The following PCP2 variants were observed in gnomAD, a reference collection of about 807,000 sequenced individuals.
PCP2 encodes Purkinje cell protein 2.
In PCP2, 21 loss-of-function variants were observed where a neutral mutation model predicts 18.3. The observed-to-expected ratio is 1.14, with a 90% CI of 0.81 to 1.65. PCP2 has a LOEUF of 1.65. Among genes scored for constraint, PCP2 ranks in the 40% most tolerant of loss-of-function variants. The pLI, the probability that PCP2 is intolerant of heterozygous loss-of-function variation, is 0.00. For synonymous variants in PCP2, 85 were observed against 77.6 expected, an observed-to-expected ratio of 1.10 and a Z score of -0.50; for missense variants, 202 against 201.8, an observed-to-expected ratio of 1.00 and a Z score of 0.00.
chr19:7,634,979 G>C (rs1295679091), upstream of PCP2, among the ~76,000 whole-genome samples: 1 of 152,224 alleles, frequency 6.6e-6, no homozygotes, highest in African/African-American at 2.4e-5. Context: ...AAGGACACCA[G>C]TGATATTGCA....
Position 7,632,861 on chromosome 19 carries a change from C to G in PCP2, c.52-31G>C, listed in dbSNP as rs563746051. 1.3e-6 allele frequency: 2 copies of G among 1,539,722 alleles called. No individual in the cohort carries two copies. The highest frequency in any genetic ancestry group is 1.7e-6 in the Non-Finnish European group (2 of 1,145,334). On this transcript the variant is annotated intron_variant, in intron 1 of 3. Transcript: ENST00000311069. This position sits in a 1 kb window ranked among gnomAD's most constrained non-coding sequence, Gnocchi z 5.2. Reference sequence around the variant, plus strand: ...GACAGACTCGCTCAGTCTGGTTGGCCCTTCAGCTTGGGGGCCCCTCCCCAA... The same window carrying G: ...GACAGACTCGCTCAGTCTGGTTGGCGCTTCAGCTTGGGGGCCCCTCCCCAA...
In PCP2 at chr19:7,632,588, C is replaced by G. The variant is rs2031367540; in HGVS notation, c.167-71G>C. 2.5e-6 allele frequency: 4 copies of G among 1,597,940 alleles called. No individual in the cohort carries two copies. Among genetic ancestry groups the G allele is most frequent in the Admixed American group, 3.3e-5 (2 of 59,728 alleles). On this transcript the variant is annotated intron_variant, in intron 2 of 3. Coordinates refer to ENST00000311069, the MANE Select transcript of PCP2 (RefSeq NM_174895.3). This position sits in a 1 kb window ranked among gnomAD's most constrained non-coding sequence, Gnocchi z 5.2. ...GCCCCCAACCCTACCCCTTCACCCCCACACAGATGCTTCAGGGTGCACAAC... is the reference window on the plus strand; with the variant it reads ...GCCCCCAACCCTACCCCTTCACCCCGACACAGATGCTTCAGGGTGCACAAC...
upstream of PCP2, among the ~76,000 whole-genome samples, chr19:7,635,174 G>A (rs1466837482): frequency 6.6e-6 from 1 of 152,174 alleles, no homozygotes; most frequent in Non-Finnish European, 1.5e-5. Context: ...TGAGAAGCTG[G>A]AGGCGGTCCT....
In PCP2 at chr19:7,633,706, C is replaced by T; in HGVS notation, c.-249G>A. ...ACCTGAGCTTGGACCTCGCTGTGCC[C>T]AGCAGCAATGACTGGACCCCAGGGA... On this transcript the variant is annotated 5_prime_UTR_variant, in exon 1 of 4. Coordinates refer to ENST00000311069, the MANE Select transcript of PCP2 (RefSeq NM_174895.3). The T allele has an allele frequency of 1.8e-6, 1 of 553,354 alleles. No homozygotes were observed. Among genetic ancestry groups the T allele is most frequent in the Admixed American group, 3.3e-5 (1 of 29,948 alleles). The allele number at this position is 553,354 out of a possible 1,614,324, so 34.3% of individuals were successfully genotyped here. A position where few individuals can be genotyped will look rare whatever the true frequency, so the allele number is the denominator to read the frequency against.
chr19:7,634,734 G>T (rs922571328), upstream of PCP2, among the ~76,000 whole-genome samples: 1 of 152,166 alleles, frequency 6.6e-6, no homozygotes, highest in African/African-American at 2.4e-5. Flanking sequence ...TGAAATGAAG[G>T]TGTTGGCAGA....
Position 7,633,472 on chromosome 19 carries a change from G to A in PCP2, c.-15C>T. On this transcript the variant is annotated 5_prime_UTR_variant, in exon 1 of 4. Coordinates refer to ENST00000311069, the MANE Select transcript of PCP2 (RefSeq NM_174895.3). ...TGATCCATCATGTCCCTGGACTCCA[G>A]TCACTTTTCTGCTGGCCTCTGCCCC... is the stretch of plus-strand genomic sequence containing the variant. 1 of 1,571,558 alleles carries A rather than the reference G, an allele frequency of 6.4e-7. No individual in the cohort carries two copies. The highest frequency in any genetic ancestry group is 8.6e-7 in the Non-Finnish European group (1 of 1,156,954).
upstream of PCP2, among the ~76,000 whole-genome samples, chr19:7,634,817 G>A (rs139393693): frequency 8.3e-4 from 126 of 152,308 alleles, no homozygotes; most frequent in Non-Finnish European, 9.7e-4. Flanking sequence ...GTGGCCTGCC[G>A]TCCTTGATGT....
upstream of PCP2, among the ~76,000 whole-genome samples, chr19:7,634,118 T>G (rs148908352): frequency 0.015 from 2,275 of 152,246 alleles, 24 homozygotes; most frequent in South Asian, 0.041. Context: ...CCACACCACC[T>G]AAATGCCAGG....
chr19:7,633,312 C>G (rs2031409333), intron 1 of PCP2, 95 bp downstream of exon 1: 1 of 1,258,208 alleles, frequency 7.9e-7, no homozygotes, highest in African/African-American at 1.5e-5. Context: ...TCCTAGGAGA[C>G]TCACTCGTTA....
chr19:7,632,593 A>G lies in PCP2; in HGVS notation c.167-76T>C. The G allele has an allele frequency of 6.3e-7, 1 of 1,595,516 alleles. No individual in the cohort carries two copies. The highest frequency in any genetic ancestry group is 8.5e-7 in the Non-Finnish European group (1 of 1,172,300). On this transcript the variant is annotated intron_variant, in intron 2 of 3. Coordinates refer to ENST00000311069, the MANE Select transcript of PCP2 (RefSeq NM_174895.3). This position sits in a 1 kb window ranked among gnomAD's most constrained non-coding sequence, Gnocchi z 5.2. ...CAACCCTACCCCTTCACCCCCACAC[A>G]GATGCTTCAGGGTGCACAACCACCT...
chr19:7,633,415 AG>A lies in PCP2; in HGVS notation c.42del (p.Cys15ValfsTer16), dbSNP rs779143884. 1 of 1,571,612 alleles carries A rather than the reference AG, an allele frequency of 6.4e-7. No homozygotes were observed. Among genetic ancestry groups the A allele is most frequent in the Admixed American group, 1.9e-5 (1 of 53,758 alleles). ...QEEKTEEGSG[P>X]CAEAGSPDQE... ...GGGCAGGGCCCTCTCACCTCGGCAC[AG>A]GGGCCTGAGCCTTCCTCCGTCTTCT... On this transcript the variant is annotated frameshift_variant, in exon 1 of 4. Coordinates refer to ENST00000311069, the MANE Select transcript of PCP2 (RefSeq NM_174895.3). LOFTEE classifies it high-confidence loss of function.
chr19:7,636,327 G>A (rs925902868), upstream of PCP2: 3 of 152,194 alleles, frequency 2.0e-5, no homozygotes, highest in Admixed American at 6.5e-5. Flanking sequence ...CCTTCCAAGC[G>A]ACAGGACACA....
chr19:7,634,366 A>C (rs990599054), upstream of PCP2, among the ~76,000 whole-genome samples: 1 of 152,166 alleles, frequency 6.6e-6, no homozygotes, highest in Admixed American at 6.5e-5. Context: ...AATGGGCTGC[A>C]CTATCACCAC....
At chr19:7,635,912 GC>G (rs2146200684), upstream of PCP2, among the ~76,000 whole-genome samples, 1 of 152,240 alleles carries the variant, frequency 6.6e-6, no homozygotes, top group South Asian at 2.1e-4. Context: ...GGCCCCTGCT[GC>G]CCCCACCCTC....
At chr19:7,636,204 C>T (rs1031417805), upstream of PCP2, 1 of 152,206 alleles carries the variant, frequency 6.6e-6, no homozygotes, top group African/African-American at 2.4e-5. Context: ...TTGGTACCTT[C>T]ATCAACACGG....
In PCP2 at chr19:7,632,869, T is replaced by A. The variant is rs1277050710; in HGVS notation, c.52-39A>T. On this transcript the variant is annotated intron_variant, in intron 1 of 3. Coordinates refer to ENST00000311069, the MANE Select transcript of PCP2 (RefSeq NM_174895.3). The surrounding 1 kb of genome is among the most constrained non-coding windows in gnomAD (Gnocchi z 5.2). ...CGCTCAGTCTGGTTGGCCCTTCAGC[T>A]TGGGGGCCCCTCCCCAAACTTCCTA... The A allele has an allele frequency of 6.5e-7, 1 of 1,536,768 alleles. No homozygotes were observed. The highest frequency in any genetic ancestry group is 8.7e-7 in the Non-Finnish European group (1 of 1,144,240).
At position 7,632,466 on chromosome 19, in the gene PCP2, G is replaced by A; in HGVS notation, c.218C>T (p.Thr73Ile). 2 of 1,613,870 alleles carry A rather than the reference G, an allele frequency of 1.2e-6. No individual in the cohort carries two copies. Among genetic ancestry groups the A allele is most frequent in the Middle Eastern group, 3.3e-4 (2 of 6,060 alleles). ...TTGGTCATCCATGCGGCGGCCCTGG[G>A]TACTGGCCAGCATGTCCATGAGGCT... The part of the protein sequence containing the change: ...MDSLMDMLAS[T>I]QGRRMDDQRV... The change falls in exon 3 of 4, where the codon ACC (threonine) becomes ATC (isoleucine). Residue 73 changes from threonine to isoleucine, a missense_variant. Thr to Ile is a moderately conservative substitution (Grantham distance 89). Coordinates refer to ENST00000311069, the MANE Select transcript of PCP2 (RefSeq NM_174895.3). The surrounding 1 kb of genome is among the most constrained non-coding windows in gnomAD (Gnocchi z 5.2).
chr19:7,636,610 T>C (rs777807606), upstream of PCP2: 62 of 149,508 alleles, frequency 4.1e-4, no homozygotes, highest in African/African-American at 1.2e-3. Flanking sequence ...GGTCGGAACA[T>C]TGGGCAGGAC....
chr19:7,632,717 G>T lies in PCP2; in HGVS notation c.165C>A (p.Ser55Arg), dbSNP rs1339824346. ...CAGCACCCCCGTGCCCATGCTCACGGCTCTTGGTGGTCTGGCCCGGCCCGG... is the reference window on the plus strand; with the variant it reads ...CAGCACCCCCGTGCCCATGCTCACGTCTCTTGGTGGTCTGGCCCGGCCCGG... ...LQAGPGQTTK[S>R]QSDPTPEMDS... Residue 55 changes from serine to arginine, a missense_variant and splice_region_variant, in exon 2 of 4, where the codon AGC (serine) becomes AGA (arginine). Transcript: ENST00000311069. The surrounding 1 kb of genome is among the most constrained non-coding windows in gnomAD (Gnocchi z 5.2). 5 of 1,557,356 alleles carry T rather than the reference G, an allele frequency of 3.2e-6. No individual in the cohort carries two copies. The Admixed American group carries it at 9.4e-5, about 29-fold the overall frequency.
Sources: gnomAD v4.1 joint callset for allele counts (sites outside exome capture counted in the v4.1 genomes callset) on GRCh38, gnomAD v4.1.1 for gene constraint, Gnocchi (gnomAD v3.1) non-coding constraint, MANE v1.5 for transcripts, NCBI Gene and HGNC (gene_info 2026-07-23, HGNC 2026-07-21) for gene names.